Variants in SAMD3 observed in about 807,000 individuals in gnomAD.
The protein encoded by SAMD3 is sterile alpha motif domain-containing protein 3.
In SAMD3, 63 loss-of-function variants were observed where a neutral mutation model predicts 58.5. The observed-to-expected ratio is 1.08, with a 90% CI of 0.88 to 1.33. SAMD3 has a LOEUF of 1.33. SAMD3 is among the 40% of genes most tolerant of loss of function. The pLI is 0.00. For synonymous variants in SAMD3, 220 were observed against 210.3 expected (o/e 1.05, Z -0.40); for missense variants, 604 against 608.4 (o/e 0.99, Z 0.08).
At chr6:130,202,767 G>A (rs1373894479) in intron 5 of SAMD3, among the ~76,000 whole-genome samples, 2 of 152,116 alleles carry the variant, frequency 1.3e-5, no homozygotes, top group Non-Finnish European at 2.9e-5. Context: ...CCACAACACA[G>A]AACCTTTAGG....
chr6:130,313,826 G>A (rs1352337270), intron 1 of SAMD3, among the ~76,000 whole-genome samples: 1 of 152,120 alleles, frequency 6.6e-6, no homozygotes. Context: ...AGATTCACCA[G>A]AGCTAAGCAG....
chr6:130,289,356 T>C (rs992616006), intron 2 of SAMD3, among the ~76,000 whole-genome samples: 12 of 152,204 alleles, frequency 7.9e-5, no homozygotes, highest in African/African-American at 2.9e-4. Flanking sequence ...CCTATTTGCA[T>C]ATTATGTTAG....
chr6:130,257,222 G>T (rs1773958085), intron 2 of SAMD3, among the ~76,000 whole-genome samples: 1 of 149,116 alleles, frequency 6.7e-6, no homozygotes, highest in Non-Finnish European at 1.5e-5. Context: ...CAGAAAGAAG[G>T]CCCTCATCAG....
intron 5 of SAMD3, among the ~76,000 whole-genome samples, chr6:130,199,422 G>C (rs1490792264): frequency 2.6e-5 from 4 of 152,176 alleles, no homozygotes; most frequent in Non-Finnish European, 5.9e-5. Context: ...GAGATGTTTT[G>C]GGGACATAGA....
chr6:130,272,451 A>G (rs1175047962), intron 2 of SAMD3, among the ~76,000 whole-genome samples: 1 of 152,154 alleles, frequency 6.6e-6, no homozygotes, highest in Non-Finnish European at 1.5e-5. Context: ...AAGTCTTTAC[A>G]GTGTTCTAAA....
chr6:130,362,719 T>A (rs1362093023), intron 1 of SAMD3, among the ~76,000 whole-genome samples: 1 of 152,226 alleles, frequency 6.6e-6, no homozygotes, highest in Non-Finnish European at 1.5e-5. Flanking sequence ...TAATACAGAA[T>A]TTATAAATAT....
At position 130,294,909 on chromosome 6, in the gene SAMD3, A is replaced by ATTTTTTTTTT. The variant is rs774036634; in HGVS notation, c.-188+18059_-188+18068dup. ...TCTAATTTTTCCATACATTTCTCTG[A>ATTTTTTTTTT]TTTTTTTTTTTTTTTTTTTTTTTTT... On this transcript the variant is annotated intron_variant, in intron 2 of 13. Coordinates refer to the SAMD3 transcript ENST00000368134. 6.9e-4 allele frequency among the ~76,000 whole-genome samples: 39 copies of ATTTTTTTTTT among 56,154 alleles called. 2 individuals carry two copies. The highest frequency in any genetic ancestry group is 1.7e-3 in the South Asian group (3 of 1,754). 36.8% of individuals were successfully genotyped at this position (56,154 alleles called of 152,430 possible).
chr6:130,232,390 C>A (rs1796572550), intron 2 of SAMD3, among the ~76,000 whole-genome samples: 1 of 152,156 alleles, frequency 6.6e-6, no homozygotes, highest in African/African-American at 2.4e-5. Flanking sequence ...CTAATTAATG[C>A]ACTCTTTACA....
chr6:130,334,836 G>A (rs76813459), intron 1 of SAMD3, among the ~76,000 whole-genome samples: 2,741 of 152,258 alleles, frequency 0.018, 47 homozygotes, highest in Non-Finnish European at 0.029. Flanking sequence ...TGCACCATCC[G>A]TGTGGTTATC....
intron 2 of SAMD3, among the ~76,000 whole-genome samples, chr6:130,264,820 C>T: frequency 6.6e-6 from 1 of 152,082 alleles, no homozygotes; most frequent in East Asian, 1.9e-4. Flanking sequence ...CTGGGGCTAC[C>T]TGACCTGACA....
intron 2 of SAMD3, among the ~76,000 whole-genome samples, chr6:130,245,424 G>A (rs1471670769): frequency 6.6e-6 from 1 of 152,232 alleles, no homozygotes; most frequent in Non-Finnish European, 1.5e-5. Context: ...AACAAGGGAA[G>A]GAAAGTGTGC....
chr6:130,183,200 T>C (rs1420958562), intron 7 of SAMD3: 1 of 363,010 alleles, frequency 2.8e-6, no homozygotes, highest in African/African-American at 2.1e-5. Context: ...AATCTGAATC[T>C]CTAGGAATCC....
intron 5 of SAMD3, among the ~76,000 whole-genome samples, chr6:130,185,214 G>A (rs1019809984): frequency 2.0e-5 from 3 of 152,180 alleles, no homozygotes; most frequent in Non-Finnish European, 4.4e-5. Context: ...AACTACAGAA[G>A]GCAGATCAGG....
At chr6:130,359,822 T>G (rs1777934093) in intron 1 of SAMD3, among the ~76,000 whole-genome samples, 1 of 152,026 alleles carries the variant, frequency 6.6e-6, no homozygotes, top group Non-Finnish European at 1.5e-5. Context: ...TGTGAAGGAG[T>G]GGTAAGGCTG....
chr6:130,155,919 C>T (rs987791985), intron 8 of SAMD3, among the ~76,000 whole-genome samples: 7 of 152,074 alleles, frequency 4.6e-5, no homozygotes, highest in Non-Finnish European at 7.4e-5. Flanking sequence ...TAATCTTATA[C>T]AAATTTAGTT....
At chr6:130,217,908 G>A (rs770509597) in intron 1 of SAMD3, among the ~76,000 whole-genome samples, 1 of 152,148 alleles carries the variant, frequency 6.6e-6, no homozygotes, top group African/African-American at 2.4e-5. Flanking sequence ...TACCGTGGCT[G>A]AACTTGAAGG....
At chr6:130,358,603 C>T (rs141705395) in intron 1 of SAMD3, among the ~76,000 whole-genome samples, 5 of 152,040 alleles carry the variant, frequency 3.3e-5, no homozygotes, top group African/African-American at 1.2e-4. Flanking sequence ...TACAATTTCA[C>T]TAAGAAAATT....
intron 2 of SAMD3, among the ~76,000 whole-genome samples, chr6:130,300,550 C>T (rs1477721604): frequency 6.6e-6 from 1 of 152,166 alleles, no homozygotes; most frequent in East Asian, 1.9e-4. Context: ...AGCAAGCATT[C>T]CCCCTAAGAA....
chr6:130,245,282 G>T (rs1451297547), intron 2 of SAMD3, among the ~76,000 whole-genome samples: 1 of 152,232 alleles, frequency 6.6e-6, no homozygotes, highest in African/African-American at 2.4e-5. Flanking sequence ...GAAGATTGTA[G>T]AAGGACTCTT....
Sources: allele counts gnomAD v4.1 joint callset (sites outside exome capture counted in the v4.1 genomes callset), GRCh38; gene constraint gnomAD v4.1.1; transcripts MANE v1.5; gene names NCBI Gene and HGNC (gene_info 2026-07-23, HGNC 2026-07-21).